Variants in CALD1 observed in about 807,000 individuals in gnomAD.
CALD1 encodes caldesmon.
In CALD1, 33 loss-of-function variants were observed where a neutral mutation model predicts 99.9. The observed-to-expected ratio is 0.33, with a 90% CI of 0.25 to 0.44. CALD1 has a LOEUF of 0.44. Ranked by LOEUF, CALD1 falls within the 20% of genes least tolerant of loss-of-function variation. CALD1 has a pLI of 1.00. For synonymous variants in CALD1, 310 were observed against 325.0 expected, an observed-to-expected ratio of 0.95 and a Z score of 0.50; for missense variants, 861 against 962.1, an observed-to-expected ratio of 0.89 and a Z score of 1.39.
rs1022233213 is a variant in CALD1, at chr7:134,790,253, T to C, written c.-130+10504T>C. 3.9e-5 allele frequency among the ~76,000 whole-genome samples: 6 copies of C among 152,122 alleles called. No homozygotes were observed. The South Asian group carries it at 1.0e-3, about 26-fold the overall frequency. On this transcript the variant is annotated intron_variant, in intron 1 of 14. Coordinates refer to ENST00000361675, the MANE Select transcript of CALD1 (RefSeq NM_033138.4). ...ATAGTTATCTGAAGTCCTCACAGGT[T>C]AAGGATGGTTGAGAAGATAAGCTAG...
intron 1 of CALD1, among the ~76,000 whole-genome samples, chr7:134,831,191 A>G (rs1251293168): frequency 1.3e-5 from 2 of 152,336 alleles, no homozygotes; most frequent in South Asian, 4.1e-4. Flanking sequence ...AGTGCATAAC[A>G]TCACATTTGT....
At chr7:134,889,099 C>T (rs531283737) in intron 3 of CALD1, among the ~76,000 whole-genome samples, 4 of 152,326 alleles carry the variant, frequency 2.6e-5, no homozygotes, top group African/African-American at 4.8e-5. Flanking sequence ...ATAGCTTTCT[C>T]GCATGGCTGC....
At chr7:134,909,697 A>G (rs753813145) in intron 3 of CALD1, among the ~76,000 whole-genome samples, 1 of 152,166 alleles carries the variant, frequency 6.6e-6, no homozygotes, top group African/African-American at 2.4e-5. Context: ...GTCTCAAAAA[A>G]AAAGGAACTT....
chr7:134,875,599 T>G (rs1801310214), intron 3 of CALD1, among the ~76,000 whole-genome samples: 1 of 152,176 alleles, frequency 6.6e-6, no homozygotes, highest in Non-Finnish European at 1.5e-5. Context: ...ATCACGCCAT[T>G]GCACTCCAGC....
chr7:134,844,619 T>G (rs912524286), intron 2 of CALD1, among the ~76,000 whole-genome samples: 3 of 152,196 alleles, frequency 2.0e-5, no homozygotes, highest in African/African-American at 7.2e-5. Context: ...GTTGCCCCCA[T>G]GCAAGTTTTC....
At chr7:134,900,847 G>A (rs919430167) in intron 3 of CALD1, among the ~76,000 whole-genome samples, 1 of 152,046 alleles carries the variant, frequency 6.6e-6, no homozygotes. Flanking sequence ...AAAGACCCCC[G>A]AAGAGAAATG....
At chr7:134,772,629 G>A (rs993559948) in intron 1 of CALD1, among the ~76,000 whole-genome samples, 1 of 152,104 alleles carries the variant, frequency 6.6e-6, no homozygotes. Context: ...TCTTACGATT[G>A]TGGTAAATTT....
chr7:134,856,700 A>G lies in CALD1; in HGVS notation c.-41-10993A>G, dbSNP rs1313363727. Reference sequence around the variant, plus strand: ...AATGCCTAATACTCCTCTTCCTGAAATCGAAATGTCTCTCTAAGACCAAGT... The same window carrying G: ...AATGCCTAATACTCCTCTTCCTGAAGTCGAAATGTCTCTCTAAGACCAAGT... On this transcript the variant is annotated intron_variant, in intron 2 of 14. Transcript: ENST00000361675. 2.6e-5 allele frequency among the ~76,000 whole-genome samples: 3 copies of G among 113,792 alleles called. No individual in the cohort carries two copies. In the South Asian group the frequency reaches 7.5e-4, roughly 29 times the overall value. 74.7% of individuals were successfully genotyped at this position (113,792 alleles called of 152,430 possible). A position where few individuals can be genotyped will look rare whatever the true frequency, so the allele number is the denominator to read the frequency against.
chr7:134,864,036 G>A (rs977057012), intron 2 of CALD1, among the ~76,000 whole-genome samples: 3 of 152,252 alleles, frequency 2.0e-5, no homozygotes, highest in Admixed American at 6.5e-5. Context: ...CCCCTGGGCC[G>A]CAGGCTCGTG....
chr7:134,736,319 A>AT, the CALD1 span, among the ~76,000 whole-genome samples: 100,775 of 151,982 alleles, frequency 0.66, 33,935 homozygotes, highest in East Asian at 0.89. Context: ...GCCTATTGAA[A>AT]CCCTTTGAAT....
chr7:134,807,281 C>T (rs1798178434), intron 1 of CALD1, among the ~76,000 whole-genome samples: 2 of 152,210 alleles, frequency 1.3e-5, no homozygotes, highest in Admixed American at 6.5e-5. Flanking sequence ...AACCATGCAA[C>T]ATTCTTTCCA....
intron 5 of CALD1, 44 bp downstream of exon 5, chr7:134,934,121 G>A (rs567668088): frequency 1.3e-6 from 2 of 1,569,388 alleles, no homozygotes; most frequent in East Asian, 4.5e-5. Flanking sequence ...CCTGTGACTT[G>A]TGAGAAATGT....
chr7:134,870,241 A>ATC (rs905571856), intron 3 of CALD1, among the ~76,000 whole-genome samples: 82 of 152,300 alleles, frequency 5.4e-4, no homozygotes, highest in African/African-American at 1.9e-3. Context: ...CAGACCTGAT[A>ATC]GAGTTGTGGC....
chr7:134,943,439 G>T (rs1030152144), intron 7 of CALD1, among the ~76,000 whole-genome samples: 1 of 152,162 alleles, frequency 6.6e-6, no homozygotes, highest in Non-Finnish European at 1.5e-5. Flanking sequence ...CTGCTTATGT[G>T]TGATTTAATT....
At chr7:134,724,124 G>A in the CALD1 span, among the ~76,000 whole-genome samples, 1 of 152,174 alleles carries the variant, frequency 6.6e-6, no homozygotes, top group Non-Finnish European at 1.5e-5. Context: ...CCCTTCAAGG[G>A]TTTCCCTTGT....
At chr7:134,838,286 C>T (rs1241306960) in intron 1 of CALD1, among the ~76,000 whole-genome samples, 1 of 152,102 alleles carries the variant, frequency 6.6e-6, no homozygotes, top group Non-Finnish European at 1.5e-5. Flanking sequence ...AACCTATACA[C>T]TAAACTACAA....
chr7:134,855,865 G>A (rs892053568), intron 2 of CALD1, among the ~76,000 whole-genome samples: 3 of 152,190 alleles, frequency 2.0e-5, no homozygotes, highest in South Asian at 2.1e-4. Context: ...TAGCCCGGTG[G>A]TTGCCACATG....
At chr7:134,921,456 T>A (rs918774453) in intron 3 of CALD1, among the ~76,000 whole-genome samples, 1 of 152,200 alleles carries the variant, frequency 6.6e-6, no homozygotes, top group Non-Finnish European at 1.5e-5. Context: ...GCAGTGGCTA[T>A]CTTAGTGTGT....
chr7:134,954,787 C>T (rs766381936), intron 9 of CALD1, among the ~76,000 whole-genome samples: 4 of 152,334 alleles, frequency 2.6e-5, no homozygotes, highest in East Asian at 1.9e-4. Context: ...AGTCTCACCA[C>T]GCTGCGTGCC....
Sources: gnomAD v4.1 joint callset for allele counts (sites outside exome capture counted in the v4.1 genomes callset) on GRCh38, gnomAD v4.1.1 for gene constraint, MANE v1.5 for transcripts, NCBI Gene and HGNC (gene_info 2026-07-23, HGNC 2026-07-21) for gene names.